IGFL2: variants seen among roughly 807,000 people sequenced by gnomAD.
IGFL2 encodes IGF like family member 2.
A neutral mutation model predicts 13.9 loss-of-function variants in IGFL2; 7 were observed. The observed-to-expected ratio is 0.51, with a 90% CI of 0.29 to 0.95. The LOEUF is 0.95. Ranked by LOEUF, IGFL2 falls within the 40% of genes least tolerant of loss-of-function variation. IGFL2 has a pLI of 0.08. For missense variants in IGFL2, 138 were observed against 147.8 expected (o/e 0.93, Z 0.34); for synonymous variants, 55 against 55.8 (o/e 0.99, Z 0.07).
At chr19:46,182,381 A>T in the IGFL2 span, among the ~76,000 whole-genome samples, 1 of 151,884 alleles carries the variant, frequency 6.6e-6, no homozygotes, top group Non-Finnish European at 1.5e-5. Flanking sequence ...AAAAAAAAAA[A>T]AAAAAAAAAT....
downstream of IGFL2, among the ~76,000 whole-genome samples, chr19:46,161,984 G>T (rs8107739): frequency 0.53 from 80,026 of 152,024 alleles, 21,630 homozygotes; most frequent in Middle Eastern, 0.64. Context: ...AGTGCTCCTT[G>T]CAAAATCTCT....
chr19:46,146,956 C>A (rs1331624790), upstream of IGFL2, among the ~76,000 whole-genome samples: 2 of 152,112 alleles, frequency 1.3e-5, no homozygotes, highest in Non-Finnish European at 2.9e-5. Flanking sequence ...TAATAATAGC[C>A]CACATGGTAT....
the IGFL2 span, among the ~76,000 whole-genome samples, chr19:46,183,879 T>C: frequency 3.3e-5 from 5 of 152,122 alleles, no homozygotes; most frequent in Non-Finnish European, 7.4e-5. Context: ...TTCGCTTCTC[T>C]ACTAATTCCT....
the IGFL2 span, among the ~76,000 whole-genome samples, chr19:46,094,395 T>C: frequency 6.6e-6 from 1 of 152,174 alleles, no homozygotes; most frequent in Admixed American, 6.5e-5. Context: ...TGTATGAATA[T>C]ATATGTCCTA....
intron 1 of IGFL2, 63 bp from the exon 2 acceptor site, chr19:46,160,352 C>A: frequency 2.0e-6 from 3 of 1,501,814 alleles, no homozygotes; most frequent in Non-Finnish European, 1.8e-6. Flanking sequence ...CCTGCCCTCC[C>A]TGAGATCAAC....
upstream of IGFL2, among the ~76,000 whole-genome samples, chr19:46,143,872 C>G (rs758925483): frequency 1.1e-4 from 17 of 152,174 alleles, no homozygotes; most frequent in Non-Finnish European, 2.4e-4. Context: ...ACTTCACATT[C>G]CCTCACTCAG....
chr19:46,133,672 T>A, the IGFL2 span, among the ~76,000 whole-genome samples: 1 of 152,362 alleles, frequency 6.6e-6, no homozygotes, highest in Admixed American at 6.5e-5. Context: ...AGCAGATATT[T>A]AAGAATATTA....
chr19:46,165,152 A>G (rs1974338934), downstream of IGFL2, among the ~76,000 whole-genome samples: 1 of 152,232 alleles, frequency 6.6e-6, no homozygotes, highest in Admixed American at 6.5e-5. Flanking sequence ...CTCACAGTGA[A>G]GTGAATACAA....
At chr19:46,156,909 AAAGAG>A (rs1973856093) in intron 1 of IGFL2, among the ~76,000 whole-genome samples, 2 of 152,184 alleles carry the variant, frequency 1.3e-5, no homozygotes, top group Non-Finnish European at 2.9e-5. Flanking sequence ...TCAAAAATTC[AAAGAG>A]AAGACACAAA....
chr19:46,130,338 T>C, the IGFL2 span, among the ~76,000 whole-genome samples: 126 of 152,316 alleles, frequency 8.3e-4, 1 homozygote, highest in African/African-American at 2.8e-3. Flanking sequence ...TCTCCTGAAC[T>C]AAGTGGGTGA....
chr19:46,146,970 G>A (rs1452404960), upstream of IGFL2, among the ~76,000 whole-genome samples: 1 of 152,184 alleles, frequency 6.6e-6, no homozygotes, highest in East Asian at 1.9e-4. Context: ...ATGGTATCCA[G>A]TGACACAAAT....
the IGFL2 span, among the ~76,000 whole-genome samples, chr19:46,117,669 C>T: frequency 1.4e-4 from 22 of 152,038 alleles, no homozygotes; most frequent in Non-Finnish European, 3.1e-4. Flanking sequence ...TTAGTAGAGA[C>T]GGGGTTTCAC....
the IGFL2 span, among the ~76,000 whole-genome samples, chr19:46,175,215 A>G: frequency 3.3e-5 from 5 of 152,208 alleles, no homozygotes; most frequent in Admixed American, 3.3e-4. Context: ...TATATGTATT[A>G]CCTTATTTTA....
At chr19:46,206,472 CTT>C in the IGFL2 span, among the ~76,000 whole-genome samples, 3 of 152,154 alleles carry the variant, frequency 2.0e-5, no homozygotes, top group African/African-American at 7.2e-5. Flanking sequence ...GCTCTGAACT[CTT>C]TGTGTGTGTG....
intron 1 of IGFL2, among the ~76,000 whole-genome samples, chr19:46,157,955 A>C (rs1973912613): frequency 6.6e-6 from 1 of 152,244 alleles, no homozygotes; most frequent in Non-Finnish European, 1.5e-5. Context: ...ATGCAAGATC[A>C]ACATAGAAAA....
At chr19:46,120,349 C>G in the IGFL2 span, 2 of 1,611,122 alleles carry the variant, frequency 1.2e-6, no homozygotes, top group East Asian at 4.5e-5. Flanking sequence ...CAGGACGTGC[C>G]TCCTGTTCCT....
At chr19:46,184,408 A>G in the IGFL2 span, among the ~76,000 whole-genome samples, 1 of 151,864 alleles carries the variant, frequency 6.6e-6, no homozygotes, top group East Asian at 1.9e-4. Flanking sequence ...TCCTAATGCT[A>G]TCCCTCCCCC....
chr19:46,178,282 GAAAAA>G, the IGFL2 span, among the ~76,000 whole-genome samples: 1 of 149,026 alleles, frequency 6.7e-6, no homozygotes. Context: ...GCCTCAAAAA[GAAAAA>G]AAAAATAGAG....
upstream of IGFL2, among the ~76,000 whole-genome samples, chr19:46,142,534 A>G (rs183624888): frequency 2.6e-5 from 4 of 152,316 alleles, no homozygotes; most frequent in African/African-American, 9.6e-5. Context: ...TTCTGCAATG[A>G]AAAAACAATG....
Sources: gnomAD v4.1 joint callset for allele counts (sites outside exome capture counted in the v4.1 genomes callset) on GRCh38, gnomAD v4.1.1 for gene constraint, MANE v1.5 for transcripts, NCBI Gene and HGNC (gene_info 2026-07-23, HGNC 2026-07-21) for gene names.